TDRD12: variants seen among roughly 807,000 people sequenced by gnomAD.
The protein encoded by TDRD12 is tudor domain containing 12.
A neutral mutation model predicts 133.5 loss-of-function variants in TDRD12; 158 were observed. That is an observed-to-expected ratio of 1.18 (90% CI 1.04 to 1.35). The LOEUF (loss-of-function observed/expected upper bound fraction) is 1.35. TDRD12 is among the 40% of genes most tolerant of loss of function. The pLI is 0.00. For synonymous variants in TDRD12, 460 were observed against 477.9 expected (o/e 0.96, Z 0.49); for missense variants, 1,443 against 1,321.3 (o/e 1.09, Z -1.43).
downstream of TDRD12, among the ~76,000 whole-genome samples, chr19:32,823,169 G>C (rs1716951503): frequency 6.6e-6 from 1 of 152,168 alleles, no homozygotes; most frequent in Non-Finnish European, 1.5e-5. Context: ...AGATAACACA[G>C]CTGAGGTGCT....
chr19:32,777,085 G>C (rs1396670804), intron 10 of TDRD12, 64 bp from the exon 11 acceptor site: 1 of 991,084 alleles, frequency 1.0e-6, no homozygotes, highest in Non-Finnish European at 1.5e-6. Flanking sequence ...TCGAGATGGG[G>C]ACTCACTGTG....
At chr19:32,742,893 G>A in exon 4 of TDRD12, 1 of 1,551,448 alleles carries the variant, frequency 6.4e-7, no homozygotes, top group Non-Finnish European at 8.7e-7. Context: ...AGACAGTACT[G>A]ACATTGTGTA....
intron 26 of TDRD12, among the ~76,000 whole-genome samples, chr19:32,817,433 C>T (rs138084299): frequency 1.1e-4 from 17 of 152,176 alleles, no homozygotes; most frequent in African/African-American, 3.6e-4. Context: ...TGTTGCAGCC[C>T]GGGTCAGATT....
intron 5 of TDRD12, among the ~76,000 whole-genome samples, chr19:32,749,070 G>A (rs147655436): frequency 0.014 from 2,169 of 152,250 alleles, 20 homozygotes; most frequent in Non-Finnish European, 0.023. Flanking sequence ...TGGTGGATGG[G>A]AAACACCTGG....
At chr19:32,783,284 C>T (rs1489110797) in intron 11 of TDRD12, among the ~76,000 whole-genome samples, 2 of 152,020 alleles carry the variant, frequency 1.3e-5, no homozygotes, top group African/African-American at 2.4e-5. Context: ...AGATGTGTGG[C>T]GTTATTTCTG....
At chr19:32,723,454 T>G (rs1334760284) in intron 1 of TDRD12, among the ~76,000 whole-genome samples, 1 of 152,010 alleles carries the variant, frequency 6.6e-6, no homozygotes, top group Non-Finnish European at 1.5e-5. Flanking sequence ...TTTCACTGTG[T>G]TAGCCAGGAT....
chr19:32,804,882 C>T (rs930665967), intron 21 of TDRD12, among the ~76,000 whole-genome samples: 6 of 150,334 alleles, frequency 4.0e-5, no homozygotes, highest in Admixed American at 6.6e-5. Context: ...GACAACAGAG[C>T]GAGATTCCAT....
chr19:32,741,917 C>T (rs757484686), intron 3 of TDRD12, among the ~76,000 whole-genome samples: 10 of 151,988 alleles, frequency 6.6e-5, no homozygotes, highest in Non-Finnish European at 1.3e-4. Context: ...AGTGCTCTGT[C>T]GTTTGCCAAA....
chr19:32,756,149 T>A, exon 7 of TDRD12: 3 of 1,434,216 alleles, frequency 2.1e-6, no homozygotes, highest in Non-Finnish European at 2.7e-6. Flanking sequence ...TGGCCAATGT[T>A]TTTGCAAGGA....
chr19:32,805,119 G>C (rs1971505276), intron 21 of TDRD12, among the ~76,000 whole-genome samples: 2 of 150,142 alleles, frequency 1.3e-5, no homozygotes, highest in Non-Finnish European at 3.0e-5. Flanking sequence ...GCAACACACA[G>C]AGACCCCGTC....
rs554393582 is a variant in TDRD12 at position 32,817,137 on chromosome 19, A to G, written c.3315-952A>G. Among the ~76,000 whole-genome samples the G allele has an allele frequency of 5.9e-5, 9 of 152,342 alleles. No individual in the cohort carries two copies. In the South Asian group the frequency reaches 1.9e-3, roughly 32 times the overall value. ...GTTTTATCGTGGCAAAATAAACATG[A>G]CAACAGCTGCCATTTAAACTCTTTT... On this transcript the variant is annotated intron_variant, in intron 26 of 27. Transcript: ENST00000444215.
At chr19:32,804,540 A>G (rs1971488541) in intron 21 of TDRD12, among the ~76,000 whole-genome samples, 1 of 151,496 alleles carries the variant, frequency 6.6e-6, no homozygotes, top group African/African-American at 2.4e-5. Context: ...AAAAAATACA[A>G]AAATTAGCTG....
chr19:32,827,845 TTGTC>T (rs1206209451), exon 10 of TDRD12: 1 of 152,240 alleles, frequency 6.6e-6, no homozygotes, highest in Admixed American at 6.5e-5. Context: ...TTCCGCCGGC[TTGTC>T]TGTCCTGTCT....
At chr19:32,825,847 T>C (rs1967571761), downstream of TDRD12, among the ~76,000 whole-genome samples, 1 of 152,142 alleles carries the variant, frequency 6.6e-6, no homozygotes, top group Non-Finnish European at 1.5e-5. This position sits in a 1 kb window ranked among gnomAD's most constrained non-coding sequence, Gnocchi z 4.1. Flanking sequence ...ACCATTGCAC[T>C]CCAGCCTGGG....
exon 21 of TDRD12, chr19:32,802,988 A>G (rs1971444186): frequency 6.5e-7 from 1 of 1,536,040 alleles, no homozygotes; most frequent in Non-Finnish European, 8.7e-7. Flanking sequence ...GAAAGATGCG[A>G]GCCATGCGGT....
chr19:32,755,785 C>T (rs974381005), intron 6 of TDRD12, among the ~76,000 whole-genome samples: 1 of 152,198 alleles, frequency 6.6e-6, no homozygotes, highest in African/African-American at 2.4e-5. Flanking sequence ...TCATGTGTTT[C>T]ACACAGATGC....
At chr19:32,818,555 T>G (rs1053933579) in intron 27 of TDRD12, among the ~76,000 whole-genome samples, 1 of 152,130 alleles carries the variant, frequency 6.6e-6, no homozygotes, top group African/African-American at 2.4e-5. Flanking sequence ...CAGGTGGCTT[T>G]GTGGAGGTTG....
intron 6 of TDRD12, among the ~76,000 whole-genome samples, chr19:32,751,731 C>G (rs1219312558): frequency 6.6e-6 from 1 of 152,164 alleles, no homozygotes; most frequent in Non-Finnish European, 1.5e-5. Context: ...AGGTGGGCAC[C>G]ACCATGCCCA....
intron 14 of TDRD12, 77 bp downstream of exon 14, chr19:32,794,890 G>T (rs1324700067): frequency 1.5e-6 from 1 of 648,770 alleles, no homozygotes; most frequent in African/African-American, 1.8e-5. Flanking sequence ...CACCTTTGAG[G>T]AAGGTCGTCT....
Sources: allele counts gnomAD v4.1 joint callset (sites outside exome capture counted in the v4.1 genomes callset), GRCh38; gene constraint gnomAD v4.1.1; non-coding constraint Gnocchi (gnomAD v3.1); transcripts MANE v1.5; gene names NCBI Gene and HGNC (gene_info 2026-07-23, HGNC 2026-07-21).